The following NREP variants were observed in gnomAD, a reference collection of about 807,000 sequenced individuals.
NREP encodes neuronal regeneration related protein.
Under a neutral mutation model 8.6 loss-of-function variants are expected in NREP, and 5 were observed. The ratio of observed to expected loss-of-function variants is 0.58; its 90% CI spans 0.30 to 1.22. The LOEUF (loss-of-function observed/expected upper bound fraction) is 1.22. Among genes scored for constraint, NREP ranks in the 50% most tolerant of loss-of-function variants. NREP has a pLI of 0.07. For synonymous variants in NREP, 27 were observed against 28.0 expected (o/e 0.96, Z 0.11); for missense variants, 86 against 82.5 (o/e 1.04, Z -0.17).
chr5:111,749,901 GGAGT>G (rs1291250106), intron 2 of NREP, among the ~76,000 whole-genome samples: 2 of 152,138 alleles, frequency 1.3e-5, no homozygotes. Flanking sequence ...CAGCCTAAGG[GGAGT>G]GAGAGGGAGC....
intron 2 of NREP, among the ~76,000 whole-genome samples, chr5:111,856,928 G>A (rs1440132651): frequency 5.9e-5 from 9 of 152,086 alleles, no homozygotes; most frequent in Non-Finnish European, 2.9e-5. Context: ...GTGCTAGATT[G>A]TTTTTATAAG....
intron 2 of NREP, among the ~76,000 whole-genome samples, chr5:111,740,437 T>A (rs1205784312): frequency 2.6e-5 from 4 of 152,116 alleles, no homozygotes; most frequent in African/African-American, 4.8e-5. Context: ...GGAAATAAAA[T>A]ACTCAGGGTT....
intron 2 of NREP, among the ~76,000 whole-genome samples, chr5:111,852,434 C>G (rs1753334155): frequency 6.6e-6 from 1 of 152,168 alleles, no homozygotes; most frequent in African/African-American, 2.4e-5. Flanking sequence ...AGCCTCAAAG[C>G]TGAACATTTG....
chr5:111,797,524 T>C (rs1373520169), intron 2 of NREP, among the ~76,000 whole-genome samples: 1 of 152,250 alleles, frequency 6.6e-6, no homozygotes, highest in Non-Finnish European at 1.5e-5. Context: ...CACTTAAATA[T>C]ATACTTTCTT....
chr5:111,731,430 T>TTATA (rs1554093693), intron 3 of NREP, among the ~76,000 whole-genome samples: 3 of 141,492 alleles, frequency 2.1e-5, no homozygotes, highest in African/African-American at 5.2e-5. Flanking sequence ...TTGATAATTA[T>TTATA]AAAAAAAAAA....
intron 2 of NREP, among the ~76,000 whole-genome samples, chr5:111,824,358 G>A (rs921763518): frequency 1.3e-5 from 2 of 152,158 alleles, no homozygotes; most frequent in Non-Finnish European, 2.9e-5. Flanking sequence ...GACAGAGCGA[G>A]ACTCCGTCTC....
At chr5:111,878,668 G>C (rs1420237782) in intron 2 of NREP, among the ~76,000 whole-genome samples, 1 of 152,152 alleles carries the variant, frequency 6.6e-6, no homozygotes, top group South Asian at 2.1e-4. Flanking sequence ...CCTTAGAAAA[G>C]GCACTGTTCA....
intron 2 of NREP, among the ~76,000 whole-genome samples, chr5:111,789,466 A>G (rs1751691076): frequency 6.6e-6 from 1 of 152,200 alleles, no homozygotes; most frequent in Non-Finnish European, 1.5e-5. Flanking sequence ...TTAGTGCCGC[A>G]TGTACATTTT....
intron 2 of NREP, among the ~76,000 whole-genome samples, chr5:111,857,962 T>A (rs62371609): frequency 6.0e-5 from 9 of 150,006 alleles, no homozygotes; most frequent in Non-Finnish European, 1.2e-4. Context: ...CCAAAGGAGA[T>A]TAAAAAAAAA....
intron 2 of NREP, among the ~76,000 whole-genome samples, chr5:111,791,326 A>T: frequency 6.6e-6 from 1 of 152,150 alleles, no homozygotes; most frequent in East Asian, 1.9e-4. Flanking sequence ...ATTCCTCCTA[A>T]TTGGAATTTT....
chr5:111,934,513 G>A (rs540510014), intron 2 of NREP, among the ~76,000 whole-genome samples: 1 of 152,174 alleles, frequency 6.6e-6, no homozygotes, highest in African/African-American at 2.4e-5. Context: ...GGGATACTCA[G>A]TTACAGGTAC....
At chr5:111,772,554 T>G (rs1255020210) in intron 2 of NREP, among the ~76,000 whole-genome samples, 1 of 152,072 alleles carries the variant, frequency 6.6e-6, no homozygotes, top group Non-Finnish European at 1.5e-5. Context: ...TTTATGCACC[T>G]GAGAAGCATC....
chr5:111,942,907 T>C (rs1755869949), intron 2 of NREP, among the ~76,000 whole-genome samples: 1 of 152,060 alleles, frequency 6.6e-6, no homozygotes, highest in African/African-American at 2.4e-5. Flanking sequence ...AGTCTAGTAA[T>C]TATATTGTAA....
chr5:111,789,287 A>G (rs1315810414), intron 2 of NREP, among the ~76,000 whole-genome samples: 2 of 152,174 alleles, frequency 1.3e-5, no homozygotes, highest in Non-Finnish European at 2.9e-5. Context: ...TCAGAAAAAG[A>G]TGTTATCAAA....
chr5:111,914,406 C>T (rs995810955), intron 2 of NREP, among the ~76,000 whole-genome samples: 3 of 152,106 alleles, frequency 2.0e-5, no homozygotes, highest in African/African-American at 7.2e-5. Context: ...TAGCCTGTTC[C>T]ACTTCCTTAT....
intron 2 of NREP, among the ~76,000 whole-genome samples, chr5:111,840,247 A>G (rs936648586): frequency 2.0e-5 from 3 of 152,024 alleles, no homozygotes; most frequent in Admixed American, 6.6e-5. Flanking sequence ...GAGATCGGCT[A>G]GTATTTCTGA....
At chr5:111,931,495 T>C (rs1292874119) in intron 2 of NREP, among the ~76,000 whole-genome samples, 1 of 152,124 alleles carries the variant, frequency 6.6e-6, no homozygotes, top group Non-Finnish European at 1.5e-5. Context: ...CCTTCCAGCC[T>C]AAGTCAAGAC....
chr5:111,738,449 T>C (rs898875043), intron 2 of NREP: 1 of 152,240 alleles, frequency 6.6e-6, no homozygotes, highest in Non-Finnish European at 1.5e-5. Context: ...TCTTTGCCTC[T>C]TCTTCTCATC....
chr5:111,862,642 A>T (rs146518716), intron 2 of NREP, among the ~76,000 whole-genome samples: 1 of 152,068 alleles, frequency 6.6e-6, no homozygotes, highest in African/African-American at 2.4e-5. Flanking sequence ...AACTTTATTT[A>T]TCCTTCAACT....
Sources: allele counts gnomAD v4.1 joint callset (sites outside exome capture counted in the v4.1 genomes callset), GRCh38; gene constraint gnomAD v4.1.1; transcripts MANE v1.5; gene names NCBI Gene and HGNC (gene_info 2026-07-23, HGNC 2026-07-21).